The following SSUH2 variants were observed in gnomAD, a reference collection of about 807,000 sequenced individuals.
SSUH2 encodes the protein protein SSUH2 homolog.
SSUH2 carries 47 observed loss-of-function variants against 55.3 expected under a neutral mutation model. The ratio of observed to expected loss-of-function variants is 0.85; its 90% confidence interval spans 0.67 to 1.08. The LOEUF is 1.08. Ranked by LOEUF, SSUH2 falls within the 50% of genes least tolerant of loss-of-function variation. The probability of loss-of-function intolerance (pLI) is 0.00; values close to 1 mark genes in which losing one functional copy is unlikely to be tolerated. For synonymous variants in SSUH2, 212 were observed against 191.5 expected, an observed-to-expected ratio of 1.11 and a Z score of -0.89; for missense variants, 535 against 490.7, an observed-to-expected ratio of 1.09 and a Z score of -0.85.
At chr3:8,647,730 C>A (rs1456623763), upstream of SSUH2, among the ~76,000 whole-genome samples, 7 of 152,232 alleles carry the variant, frequency 4.6e-5, no homozygotes, top group African/African-American at 1.7e-4. Context: ...GGCCCTGCCT[C>A]GGGCCCTCAC....
intron 4 of SSUH2, 93 bp from the exon 5 acceptor site, chr3:8,632,202 A>C (rs1575117442): frequency 9.1e-7 from 1 of 1,093,690 alleles, no homozygotes; most frequent in East Asian, 2.4e-5. Context: ...CCCAGGGCTC[A>C]GTGGGGAAAC....
At chr3:8,679,535 A>AC (rs1705808517) in intron 2 of SSUH2, among the ~76,000 whole-genome samples, 2 of 137,240 alleles carry the variant, frequency 1.5e-5, no homozygotes, top group Non-Finnish European at 3.1e-5. Context: ...TAGGGGAGGC[A>AC]CCCTCAGCGA....
rs922534488 is a variant in SSUH2 at position 8,623,343 on chromosome 3, C to A, written c.981+206G>T. On this transcript the variant is annotated intron_variant, in intron 11 of 11. Coordinates refer to ENST00000544814, the MANE Select transcript of SSUH2 (RefSeq NM_001256748.3). The stretch of plus-strand genomic sequence containing the variant: ...ATAAAAATGCAAACTTCTCCTGCGA[C>A]CCACGGTCCTTCCTGCCTCTGCGTC... 6 of 523,022 alleles carry A rather than the reference C, an allele frequency of 1.1e-5. No homozygotes were observed. The Admixed American group carries it at 2.0e-4, about 17-fold the overall frequency. 32.4% of individuals were successfully genotyped at this position (523,022 alleles called of 1,614,324 possible). A position where few individuals can be genotyped will look rare whatever the true frequency, so the allele number is the denominator to read the frequency against.
intron 7 of SSUH2, among the ~76,000 whole-genome samples, chr3:8,655,936 T>G (rs1702895089): frequency 6.6e-6 from 1 of 152,214 alleles, no homozygotes; most frequent in African/African-American, 2.4e-5. Context: ...CTTCTCCTCC[T>G]ACCACTGTGG....
At chr3:8,626,543 C>G (rs1257298556) in intron 8 of SSUH2, among the ~76,000 whole-genome samples, 2 of 140,266 alleles carry the variant, frequency 1.4e-5, no homozygotes, top group Non-Finnish European at 3.1e-5. Context: ...GCCTGCCCCC[C>G]CCCCTCCCCC....
At chr3:8,641,454 G>A (rs1187691768) in intron 1 of SSUH2, among the ~76,000 whole-genome samples, 2 of 152,212 alleles carry the variant, frequency 1.3e-5, no homozygotes, top group Non-Finnish European at 2.9e-5. Context: ...AGGAGCAAAT[G>A]AGACAATGGA....
Position 8,659,056 on chromosome 3 carries a change from C to CCAGAGTCA in SSUH2, c.-395-51_-395-44dup, listed in dbSNP as rs565756289. The CCAGAGTCA allele has an allele frequency of 6.2e-3, 951 of 152,328 alleles. 6 individuals carry two copies. The highest frequency in any genetic ancestry group is 0.01 in the Non-Finnish European group (699 of 68,058). The allele number at this position is 152,328 out of a possible 1,614,324, so 9.4% of individuals were successfully genotyped here. A position where few individuals can be genotyped will look rare whatever the true frequency, so the allele number is the denominator to read the frequency against. ...GGTTCAGAGAGGTAAAGTCACCTGC[C>CCAGAGTCA]CAGAGTCACACAGTGAAAAATCAGC... On this transcript the variant is annotated intron_variant, in intron 6 of 18. Transcript: ENST00000317371.
intron 7 of SSUH2, among the ~76,000 whole-genome samples, chr3:8,654,880 A>C (rs1237441670): frequency 1.4e-5 from 2 of 140,538 alleles, no homozygotes; most frequent in Non-Finnish European, 3.1e-5. Context: ...GGCCTCTCCA[A>C]GATCACAGTG....
chr3:8,659,572 T>A (rs1703271034), intron 6 of SSUH2: 1 of 330,488 alleles, frequency 3.0e-6, no homozygotes, highest in Admixed American at 4.1e-5. Flanking sequence ...CAAGTCCATA[T>A]CATGTCTTTC....
At position 8,660,840 on chromosome 3, in the gene SSUH2, G is replaced by A. The variant is rs191110147; in HGVS notation, c.-395-1827C>T. Reference sequence around the variant, plus strand: ...TTTTTGGATATGAATCCACTGAGCCGGTGAGTACCTAAAATAAACAATCCT... The same window carrying A: ...TTTTTGGATATGAATCCACTGAGCCAGTGAGTACCTAAAATAAACAATCCT... On this transcript the variant is annotated intron_variant, in intron 6 of 18. Coordinates refer to the SSUH2 transcript ENST00000317371. Among the ~76,000 whole-genome samples, 348 of 152,258 alleles carry A rather than the reference G, an allele frequency of 2.3e-3. 1 individual carries two copies. The highest frequency in any genetic ancestry group is 7.6e-3 in the African/African-American group (314 of 41,536).
intron 3 of SSUH2, 32 bp downstream of exon 3, chr3:8,635,268 C>A: frequency 6.7e-7 from 1 of 1,500,810 alleles, no homozygotes; most frequent in South Asian, 1.2e-5. Flanking sequence ...ATAGGAAATG[C>A]ACACAGTCAC....
chr3:8,658,334 C>T (rs1420000562), intron 7 of SSUH2, among the ~76,000 whole-genome samples: 3 of 152,190 alleles, frequency 2.0e-5, no homozygotes, highest in East Asian at 1.9e-4. Context: ...ACTTCAGAAA[C>T]TCTCTCAGAG....
Position 8,681,218 on chromosome 3 carries a change from CT to C in SSUH2, c.-1046+672del, listed in dbSNP as rs561257082. Among the ~76,000 whole-genome samples the C allele has an allele frequency of 7.6e-3, 1,103 of 145,896 alleles. 14 individuals carry two copies. The highest frequency in any genetic ancestry group is 0.026 in the African/African-American group (1,040 of 39,710). On this transcript the variant is annotated intron_variant, in intron 1 of 18. Transcript: ENST00000317371. ...ATGAGAGCCAGCCCCTCTTCCCCCC[CT>C]GGCTCTCAGGACCCCCATCGCAGGG...
At chr3:8,653,560 ATTG>A (rs1404629905) in intron 7 of SSUH2, among the ~76,000 whole-genome samples, 3 of 152,196 alleles carry the variant, frequency 2.0e-5, no homozygotes, top group Non-Finnish European at 4.4e-5. Flanking sequence ...TGTTCATTTT[ATTG>A]TTGTTGCTGT....
intron 7 of SSUH2, among the ~76,000 whole-genome samples, chr3:8,650,641 C>A (rs540800178): frequency 6.6e-6 from 1 of 152,174 alleles, no homozygotes; most frequent in Non-Finnish European, 1.5e-5. Context: ...AGTCTGAGTG[C>A]CACATTATAG....
chr3:8,665,306 G>C (rs1169243409), intron 5 of SSUH2, among the ~76,000 whole-genome samples: 1 of 152,162 alleles, frequency 6.6e-6, no homozygotes, highest in African/African-American at 2.4e-5. Context: ...GAGAAGCAAG[G>C]AAGGAGGTAG....
At chr3:8,641,640 C>T (rs148743342) in intron 1 of SSUH2, among the ~76,000 whole-genome samples, 1 of 152,308 alleles carries the variant, frequency 6.6e-6, no homozygotes, top group Non-Finnish European at 1.5e-5. Flanking sequence ...GTGGGAAAGA[C>T]CAGATGGGCC....
At chr3:8,639,639 T>C (rs1312759313) in intron 1 of SSUH2, among the ~76,000 whole-genome samples, 1 of 152,234 alleles carries the variant, frequency 6.6e-6, no homozygotes, top group Non-Finnish European at 1.5e-5. Flanking sequence ...AAAGGCATTA[T>C]TAATGGGTAA....
At chr3:8,641,074 G>A (rs1445932182) in intron 1 of SSUH2, among the ~76,000 whole-genome samples, 2 of 152,134 alleles carry the variant, frequency 1.3e-5, no homozygotes, top group African/African-American at 4.8e-5. Flanking sequence ...GGCTGGGGCT[G>A]GTTCTGCCAG....
Sources: allele counts gnomAD v4.1 joint callset (sites outside exome capture counted in the v4.1 genomes callset), GRCh38; gene constraint gnomAD v4.1.1; transcripts MANE v1.5; gene names NCBI Gene and HGNC (gene_info 2026-07-23, HGNC 2026-07-21).